Variants in CNTNAP2 observed in about 807,000 individuals in gnomAD.
CNTNAP2 encodes contactin-associated protein-like 2.
In CNTNAP2, 98 loss-of-function variants were observed where a neutral mutation model predicts 155.2. That is an observed-to-expected ratio of 0.63 (90% CI 0.54 to 0.75). The LOEUF is 0.75. Ranked by LOEUF, CNTNAP2 falls within the 30% of genes least tolerant of loss-of-function variation. CNTNAP2 has a pLI of 0.00. For synonymous variants in CNTNAP2, 651 were observed against 631.2 expected (o/e 1.03, Z -0.47); for missense variants, 1,727 against 1,688.1 (o/e 1.02, Z -0.40).
At chr7:146,674,716 A>G (rs1279673149) in intron 1 of CNTNAP2, among the ~76,000 whole-genome samples, 1 of 152,156 alleles carries the variant, frequency 6.6e-6, no homozygotes, top group Non-Finnish European at 1.5e-5. Context: ...AAAGTGTGAT[A>G]AAGTGTGGGG....
chr7:146,672,023 C>T lies in CNTNAP2; in HGVS notation c.98-102248C>T, dbSNP rs543722996. 1.2e-4 allele frequency among the ~76,000 whole-genome samples: 18 copies of T among 152,078 alleles called. No homozygotes were observed. In the South Asian group the frequency reaches 3.7e-3, roughly 32 times the overall value. On this transcript the variant is annotated intron_variant, in intron 1 of 23. Coordinates refer to ENST00000361727, the MANE Select transcript of CNTNAP2 (RefSeq NM_014141.6). ...TAGAGACGGGGTTTCACCATCTTGG[C>T]CAGGCTGGTCTTGAACTCCTGACCT...
intron 10 of CNTNAP2, among the ~76,000 whole-genome samples, chr7:147,427,804 ATC>A (rs1797404315): frequency 6.6e-6 from 1 of 152,126 alleles, no homozygotes; most frequent in Non-Finnish European, 1.5e-5. Context: ...ATCAACCTTT[ATC>A]TTTTTTGGGA....
At chr7:146,644,194 G>T (rs1799767950) in intron 1 of CNTNAP2, among the ~76,000 whole-genome samples, 2 of 152,048 alleles carry the variant, frequency 1.3e-5, no homozygotes, top group Admixed American at 6.6e-5. Context: ...ACACTATGTT[G>T]AATAGGAGTG....
intron 8 of CNTNAP2, among the ~76,000 whole-genome samples, chr7:147,275,496 A>G (rs1267061242): frequency 1.3e-5 from 2 of 152,142 alleles, no homozygotes; most frequent in East Asian, 3.9e-4. Context: ...CTATTGGTGT[A>G]TAGAAATGAT....
intron 1 of CNTNAP2, among the ~76,000 whole-genome samples, chr7:146,546,251 A>G (rs979945965): frequency 2.0e-5 from 3 of 151,978 alleles, no homozygotes; most frequent in African/African-American, 7.2e-5. Flanking sequence ...GACTTGGTAG[A>G]AAATTTCTGA....
chr7:148,213,810 C>T (rs1226704016), intron 18 of CNTNAP2, among the ~76,000 whole-genome samples: 1 of 152,162 alleles, frequency 6.6e-6, no homozygotes, highest in Non-Finnish European at 1.5e-5. Context: ...TGTCCATCTG[C>T]CCCATCAGAC....
At chr7:146,177,740 T>C (rs1438843298) in intron 1 of CNTNAP2, among the ~76,000 whole-genome samples, 1 of 152,234 alleles carries the variant, frequency 6.6e-6, no homozygotes, top group Non-Finnish European at 1.5e-5. Flanking sequence ...TGTATTTATA[T>C]GTAAGAAATC....
chr7:146,331,271 T>C (rs1442428331), intron 1 of CNTNAP2, among the ~76,000 whole-genome samples: 8 of 137,238 alleles, frequency 5.8e-5, no homozygotes, highest in African/African-American at 1.9e-4. Context: ...GCCACTGCAC[T>C]CCAGCCTGGG....
At chr7:147,769,033 G>A (rs115140940) in intron 13 of CNTNAP2, among the ~76,000 whole-genome samples, 2,735 of 152,094 alleles carry the variant, frequency 0.018, 74 homozygotes, top group African/African-American at 0.059. Context: ...TAGAAGAAAA[G>A]CAACATGTTA....
At chr7:148,346,109 C>A (rs1244569908) in intron 21 of CNTNAP2, among the ~76,000 whole-genome samples, 1 of 152,118 alleles carries the variant, frequency 6.6e-6, no homozygotes, top group African/African-American at 2.4e-5. Context: ...TAGATGGAGA[C>A]CCCTTCATCC....
chr7:147,013,393 T>C (rs1798661362), intron 3 of CNTNAP2, among the ~76,000 whole-genome samples: 1 of 152,148 alleles, frequency 6.6e-6, no homozygotes, highest in Non-Finnish European at 1.5e-5. Context: ...CTAAGTGGTT[T>C]CTTCAGTAAA....
chr7:147,767,814 G>A (rs532743054), intron 13 of CNTNAP2, among the ~76,000 whole-genome samples: 1 of 152,166 alleles, frequency 6.6e-6, no homozygotes, highest in East Asian at 1.9e-4. Context: ...ATAAGCCACA[G>A]TTATAGTTGC....
intron 10 of CNTNAP2, among the ~76,000 whole-genome samples, chr7:147,484,959 T>A (rs1358398474): frequency 6.6e-6 from 1 of 152,188 alleles, no homozygotes; most frequent in African/African-American, 2.4e-5. Flanking sequence ...TCTGTGAGCA[T>A]CTTCAGCAGG....
chr7:147,547,633 ACACAC>A (rs1562991103), intron 11 of CNTNAP2, among the ~76,000 whole-genome samples: 3 of 142,412 alleles, frequency 2.1e-5, no homozygotes, highest in Non-Finnish European at 4.8e-5. Context: ...TCTTCTAAAC[ACACAC>A]ACACACACAC....
chr7:146,124,193 C>A (rs897896775), intron 1 of CNTNAP2, among the ~76,000 whole-genome samples: 1 of 152,036 alleles, frequency 6.6e-6, no homozygotes, highest in Admixed American at 6.6e-5. Flanking sequence ...CACATGTATA[C>A]CTGTGTAACA....
chr7:147,912,852 A>T (rs1217298411), intron 14 of CNTNAP2, among the ~76,000 whole-genome samples: 2 of 152,164 alleles, frequency 1.3e-5, no homozygotes, highest in Non-Finnish European at 2.9e-5. Flanking sequence ...AAATCCCTTA[A>T]GGAGGAAATT....
At chr7:147,649,751 A>G (rs1467061494) in intron 13 of CNTNAP2, among the ~76,000 whole-genome samples, 1 of 152,070 alleles carries the variant, frequency 6.6e-6, no homozygotes, top group African/African-American at 2.4e-5. Flanking sequence ...GCTATTATCC[A>G]ATTCAAAAAA....
chr7:147,702,793 T>C (rs979764778), intron 13 of CNTNAP2, among the ~76,000 whole-genome samples: 1 of 152,148 alleles, frequency 6.6e-6, no homozygotes, highest in East Asian at 1.9e-4. Flanking sequence ...CAGAAAGGCC[T>C]CGTGCTGTTG....
At chr7:147,720,217 G>GA (rs1796544008) in intron 13 of CNTNAP2, among the ~76,000 whole-genome samples, 1 of 152,052 alleles carries the variant, frequency 6.6e-6, no homozygotes, top group African/African-American at 2.4e-5. Context: ...GAAAAGAGAG[G>GA]AAAAAGAGCA....
Sources: allele counts gnomAD v4.1 joint callset (sites outside exome capture counted in the v4.1 genomes callset), GRCh38; gene constraint gnomAD v4.1.1; transcripts MANE v1.5; gene names NCBI Gene and HGNC (gene_info 2026-07-23, HGNC 2026-07-21).